MAP3K7CL: variants seen among roughly 807,000 people sequenced by gnomAD.
MAP3K7CL encodes the protein MAP3K7 C-terminal-like protein.
A neutral mutation model predicts 18.6 loss-of-function variants in MAP3K7CL; 16 were observed. The ratio of observed to expected loss-of-function variants is 0.86; its 90% CI spans 0.58 to 1.31. The LOEUF is 1.31. MAP3K7CL is among the 50% of genes most tolerant of loss of function. The pLI is 0.00. For synonymous variants in MAP3K7CL, 65 were observed against 66.8 expected, an observed-to-expected ratio of 0.97 and a Z score of 0.13; for missense variants, 163 against 174.4, an observed-to-expected ratio of 0.93 and a Z score of 0.37.
At chr21:29,151,694 C>T (rs1601247727) in intron 3 of MAP3K7CL, among the ~76,000 whole-genome samples, 2 of 152,228 alleles carry the variant, frequency 1.3e-5, no homozygotes, top group East Asian at 3.9e-4. Flanking sequence ...AATTATGGAT[C>T]ATTAATTCTA....
At chr21:29,174,362 A>G (rs545910630) in intron 4 of MAP3K7CL, among the ~76,000 whole-genome samples, 1 of 152,340 alleles carries the variant, frequency 6.6e-6, no homozygotes, top group South Asian at 2.1e-4. Context: ...TCCTCTCTAC[A>G]AGACAATAGG....
rs1601214287 is a variant in MAP3K7CL, at chr21:29,133,360, A to G, written c.16A>G (p.Arg6Gly). 1 of 1,550,528 alleles carries G rather than the reference A, an allele frequency of 6.4e-7. No homozygotes were observed. The highest frequency in any genetic ancestry group is 8.7e-7 in the Non-Finnish European group (1 of 1,146,920). ...AGGTGCCCACATGATCAGCACAGCCAGGGTACCTGCTGACAAGCCTGTACG... is the reference window on the plus strand; with the variant it reads ...AGGTGCCCACATGATCAGCACAGCCGGGGTACCTGCTGACAAGCCTGTACG... Reference protein sequence around the residue: MISTARVPADKPVRIA... With the variant: MISTAGVPADKPVRIA... Residue 6 changes from arginine (R) to glycine (G), a missense_variant, in exon 2 of 5, where the codon AGG becomes GGG. Physicochemically the swap from Arg to Gly is moderately radical, Grantham distance 125. Transcript: ENST00000399928.
chr21:29,128,722 T>C (rs981195399), upstream of MAP3K7CL, among the ~76,000 whole-genome samples: 16 of 152,212 alleles, frequency 1.1e-4, no homozygotes, highest in Non-Finnish European at 2.1e-4. Context: ...CTCAAGCCTG[T>C]TATTTGAATT....
intron 4 of MAP3K7CL, among the ~76,000 whole-genome samples, chr21:29,098,350 G>C (rs1435272136): frequency 1.3e-5 from 2 of 152,098 alleles, no homozygotes; most frequent in Non-Finnish European, 2.9e-5. Context: ...CTCTGAGCCT[G>C]AGCCATTTTT....
upstream of MAP3K7CL, among the ~76,000 whole-genome samples, chr21:29,126,322 A>G (rs1023592834): frequency 2.6e-5 from 4 of 152,222 alleles, no homozygotes; most frequent in East Asian, 7.7e-4. Context: ...GTTTTTGTCA[A>G]TAAAGTCAGA....
At chr21:29,115,212 G>A (rs2086485532) in intron 4 of MAP3K7CL, among the ~76,000 whole-genome samples, 1 of 152,174 alleles carries the variant, frequency 6.6e-6, no homozygotes. Context: ...GAGGATCAGA[G>A]TCTGAAATAG....
At chr21:29,174,152 C>G (rs1213754152) in intron 4 of MAP3K7CL, among the ~76,000 whole-genome samples, 1 of 152,136 alleles carries the variant, frequency 6.6e-6, no homozygotes, top group African/African-American at 2.4e-5. Context: ...CAAATGTGGA[C>G]ACAGTTTTGT....
At chr21:29,121,234 C>T (rs1190091915) in intron 4 of MAP3K7CL, among the ~76,000 whole-genome samples, 1 of 151,734 alleles carries the variant, frequency 6.6e-6, no homozygotes, top group African/African-American at 2.4e-5. Flanking sequence ...AAAGGTCTTC[C>T]CTTCATGGGT....
intron 1 of MAP3K7CL, among the ~76,000 whole-genome samples, chr21:29,077,884 A>G (rs1282218609): frequency 6.6e-6 from 1 of 152,174 alleles, no homozygotes; most frequent in Non-Finnish European, 1.5e-5. Context: ...GCCTGAAAAC[A>G]TGGCCTCCAG....
At chr21:29,081,776 C>T (rs952293661), upstream of MAP3K7CL, among the ~76,000 whole-genome samples, 2 of 152,216 alleles carry the variant, frequency 1.3e-5, no homozygotes, top group Admixed American at 1.3e-4. Flanking sequence ...TTGTTTTATG[C>T]AAGAAGCAGG....
chr21:29,121,380 C>A (rs1189212808), intron 4 of MAP3K7CL, among the ~76,000 whole-genome samples: 1 of 152,074 alleles, frequency 6.6e-6, no homozygotes, highest in Admixed American at 6.6e-5. Flanking sequence ...ATCAGTTGTG[C>A]CTTTGGTAAA....
chr21:29,127,881 T>G (rs932288580), upstream of MAP3K7CL: 1 of 152,210 alleles, frequency 6.6e-6, no homozygotes, highest in Non-Finnish European at 1.5e-5. Flanking sequence ...AAGGCAATAT[T>G]TCCGTTGTGT....
At chr21:29,160,264 TA>T (rs1568969088) in intron 4 of MAP3K7CL, among the ~76,000 whole-genome samples, 1 of 152,232 alleles carries the variant, frequency 6.6e-6, no homozygotes, top group Non-Finnish European at 1.5e-5. Context: ...CTTAATTTTT[TA>T]AATAAGACAT....
intron 4 of MAP3K7CL, chr21:29,109,660 A>C (rs911587053): frequency 2.7e-5 from 27 of 987,618 alleles, no homozygotes; most frequent in Non-Finnish European, 3.0e-5. Flanking sequence ...AGTGATAATT[A>C]CTCTGCATTT....
chr21:29,081,915 AG>A (rs1487657068), upstream of MAP3K7CL, among the ~76,000 whole-genome samples: 1 of 152,228 alleles, frequency 6.6e-6, no homozygotes, highest in East Asian at 1.9e-4. Context: ...TTCTGTGCAT[AG>A]GAACCAGTTG....
chr21:29,099,657 T>C (rs2086186654), intron 4 of MAP3K7CL, among the ~76,000 whole-genome samples: 1 of 152,186 alleles, frequency 6.6e-6, no homozygotes, highest in Non-Finnish European at 1.5e-5. Flanking sequence ...CCTTTTATTA[T>C]CTTTATTGCA....
chr21:29,077,480 G>A, upstream of MAP3K7CL: 1 of 153,698 alleles, frequency 6.5e-6, no homozygotes, highest in Non-Finnish European at 1.4e-5. Context: ...GCGCAGCCCC[G>A]GTTCCTGCCC....
chr21:29,140,141 G>A (rs914750261), intron 2 of MAP3K7CL, among the ~76,000 whole-genome samples: 2 of 152,156 alleles, frequency 1.3e-5, no homozygotes, highest in African/African-American at 4.8e-5. Flanking sequence ...TGGAAGGTGG[G>A]TGTCTCCTGT....
intron 4 of MAP3K7CL, among the ~76,000 whole-genome samples, chr21:29,122,366 G>A (rs1209160817): frequency 1.3e-5 from 2 of 152,176 alleles, no homozygotes; most frequent in Non-Finnish European, 2.9e-5. Flanking sequence ...TGCTGTTCAC[G>A]GATGGCTTAA....
Sources: allele counts gnomAD v4.1 joint callset (sites outside exome capture counted in the v4.1 genomes callset), GRCh38; gene constraint gnomAD v4.1.1; transcripts MANE v1.5; gene names NCBI Gene and HGNC (gene_info 2026-07-23, HGNC 2026-07-21).